The following ANXA8 variants were observed in gnomAD, a reference collection of about 807,000 sequenced individuals.
The protein encoded by ANXA8 is annexin A8.
Under a neutral mutation model 26.8 loss-of-function variants are expected in ANXA8, and 9 were observed. The ratio of observed to expected loss-of-function variants is 0.34; its 90% confidence interval spans 0.20 to 0.59. The LOEUF (loss-of-function observed/expected upper bound fraction) is 0.59, where lower values mean the gene tolerates loss of function less well. Among genes scored for constraint, ANXA8 ranks in the 20% least tolerant of loss-of-function variants. The pLI is 0.84. For missense variants in ANXA8, 83 were observed against 238.5 expected (o/e 0.35, Z 4.29); for synonymous variants, 39 against 94.8 (o/e 0.41, Z 3.42).
the ANXA8 span, among the ~76,000 whole-genome samples, chr10:47,720,919 G>C: frequency 7.1e-6 from 1 of 139,906 alleles, no homozygotes; most frequent in South Asian, 2.2e-4. Flanking sequence ...GGCCGTGGTG[G>C]GGGGATCGCT....
chr10:47,666,766 G>C, the ANXA8 span, among the ~76,000 whole-genome samples: 1 of 151,762 alleles, frequency 6.6e-6, no homozygotes, highest in African/African-American at 2.4e-5. Flanking sequence ...GGTCTTTCAG[G>C]GATTCTTAAA....
the ANXA8 span, among the ~76,000 whole-genome samples, chr10:47,595,540 T>G: frequency 6.7e-6 from 1 of 149,158 alleles, no homozygotes. Flanking sequence ...ATGACACTCA[T>G]GGGTTCAAAG....
the ANXA8 span, among the ~76,000 whole-genome samples, chr10:47,576,455 CTTTTTTT>C: frequency 5.4e-5 from 4 of 74,172 alleles, no homozygotes; most frequent in Non-Finnish European, 1.2e-4. Flanking sequence ...ACATCCCTAT[CTTTTTTT>C]TTTTTTTTTT....
the ANXA8 span, among the ~76,000 whole-genome samples, chr10:47,671,924 C>T: frequency 6.0e-5 from 9 of 151,230 alleles, no homozygotes; most frequent in Non-Finnish European, 1.0e-4. Flanking sequence ...TTTTAAAAGA[C>T]CAGTTAGTTT....
At chr10:47,769,464 T>C in the ANXA8 span, among the ~76,000 whole-genome samples, 3 of 149,766 alleles carry the variant, frequency 2.0e-5, no homozygotes, top group Non-Finnish European at 4.4e-5. Context: ...GATTTGATTA[T>C]TACCTAGGTG....
At chr10:47,525,323 T>C in the ANXA8 span, among the ~76,000 whole-genome samples, 24 of 135,892 alleles carry the variant, frequency 1.8e-4, 1 homozygote, top group African/African-American at 6.9e-4. Flanking sequence ...GGAGAATCAC[T>C]GGAACTCAAG....
At chr10:47,509,167 G>C in the ANXA8 span, among the ~76,000 whole-genome samples, 5 of 132,832 alleles carry the variant, frequency 3.8e-5, 2 homozygotes, top group African/African-American at 6.3e-5. Flanking sequence ...CTTCAAAGCT[G>C]CTTTTGAATT....
chr10:47,556,123 G>C, the ANXA8 span, among the ~76,000 whole-genome samples: 7 of 151,824 alleles, frequency 4.6e-5, no homozygotes, highest in African/African-American at 1.5e-4. Flanking sequence ...TTAAGAAAAA[G>C]GATTGGATTT....
the ANXA8 span, among the ~76,000 whole-genome samples, chr10:47,754,940 CCT>C: frequency 2.1e-5 from 1 of 48,268 alleles, no homozygotes; most frequent in Admixed American, 3.6e-4. Context: ...CATTGCTTAA[CCT>C]CTTTCTTTTT....
the ANXA8 span, chr10:47,550,689 G>GC: frequency 3.7e-6 from 1 of 271,168 alleles, no homozygotes; most frequent in South Asian, 4.9e-5. Flanking sequence ...CTCTGATCTC[G>GC]GTGAACTTCT....
chr10:47,502,018 C>T, the ANXA8 span: 3 of 1,418,616 alleles, frequency 2.1e-6, no homozygotes, highest in South Asian at 2.5e-5. Flanking sequence ...CTGAGTTATC[C>T]TTATTTTTCC....
the ANXA8 span, among the ~76,000 whole-genome samples, chr10:47,958,634 C>T: frequency 6.7e-6 from 1 of 148,282 alleles, no homozygotes; most frequent in African/African-American, 2.6e-5. Flanking sequence ...GGCCCCCAGT[C>T]TATGCCGGAG....
chr10:47,577,135 G>A, the ANXA8 span, among the ~76,000 whole-genome samples: 33,179 of 147,704 alleles, frequency 0.22, 4,478 homozygotes, highest in Non-Finnish European at 0.32. Flanking sequence ...TGAGACAGGA[G>A]AATTGCTTGA....
chr10:47,614,320 G>T, the ANXA8 span, among the ~76,000 whole-genome samples: 2 of 74,744 alleles, frequency 2.7e-5, 1 homozygote, highest in Non-Finnish European at 6.9e-5. Flanking sequence ...ATAAAAAAAA[G>T]GAACAATAAA....
At chr10:47,573,796 A>G in the ANXA8 span, among the ~76,000 whole-genome samples, 1 of 142,208 alleles carries the variant, frequency 7.0e-6, no homozygotes, top group East Asian at 2.1e-4. Context: ...ACTTCATGAG[A>G]TTTTTAAGGT....
chr10:47,567,981 T>C, the ANXA8 span: 3 of 706,224 alleles, frequency 4.2e-6, no homozygotes, highest in Admixed American at 2.1e-5. Flanking sequence ...CTAAAGCTGG[T>C]GTTAAGATCT....
chr10:47,489,588 TTCTC>T, the ANXA8 span: 2 of 656,914 alleles, frequency 3.0e-6, no homozygotes, highest in Non-Finnish European at 5.3e-6. Context: ...GGCTGTACCT[TTCTC>T]TCCAGTCTCC....
chr10:47,603,764 C>T, the ANXA8 span, among the ~76,000 whole-genome samples: 15 of 143,482 alleles, frequency 1.0e-4, 1 homozygote, highest in African/African-American at 2.6e-4. Context: ...GCCTGTGCCT[C>T]GGACTCCAAT....
chr10:47,556,515 C>T, the ANXA8 span, among the ~76,000 whole-genome samples: 1 of 151,784 alleles, frequency 6.6e-6, no homozygotes, highest in Admixed American at 6.6e-5. Context: ...AAAGAATCTA[C>T]CAAAAAAATT....
Sources: allele counts gnomAD v4.1 joint callset (sites outside exome capture counted in the v4.1 genomes callset), GRCh38; gene constraint gnomAD v4.1.1; transcripts MANE v1.5; gene names NCBI Gene and HGNC (gene_info 2026-07-23, HGNC 2026-07-21).